AGBL4: variants seen among roughly 807,000 people sequenced by gnomAD.
AGBL4 encodes cytosolic carboxypeptidase 6.
Under a neutral mutation model 66.4 loss-of-function variants are expected in AGBL4, and 58 were observed. The ratio of observed to expected loss-of-function variants is 0.87; its 90% confidence interval spans 0.71 to 1.09. The LOEUF (loss-of-function observed/expected upper bound fraction) is 1.09, where lower values mean the gene tolerates loss of function less well. Ranked by LOEUF, AGBL4 falls within the 50% of genes least tolerant of loss-of-function variation. The pLI is 0.00. For synonymous variants in AGBL4, 234 were observed against 222.9 expected, an observed-to-expected ratio of 1.05 and a Z score of -0.44; for missense variants, 579 against 631.0, an observed-to-expected ratio of 0.92 and a Z score of 0.88.
intron 4 of AGBL4, among the ~76,000 whole-genome samples, chr1:49,172,129 G>A (rs1324467047): frequency 6.6e-6 from 1 of 152,158 alleles, no homozygotes; most frequent in East Asian, 1.9e-4. Flanking sequence ...GACTAAGAAC[G>A]AGTAACAAAT....
intron 2 of AGBL4, among the ~76,000 whole-genome samples, chr1:49,748,025 T>G (rs1651132928): frequency 6.6e-6 from 1 of 151,978 alleles, no homozygotes; most frequent in African/African-American, 2.4e-5. Flanking sequence ...AATTATACTT[T>G]AAGTTTTGGG....
At chr1:49,492,090 A>G (rs189935028) in intron 3 of AGBL4, among the ~76,000 whole-genome samples, 12 of 151,928 alleles carry the variant, frequency 7.9e-5, no homozygotes, top group Non-Finnish European at 1.3e-4. Context: ...TTATGATGTG[A>G]GATGATACAT....
intron 5 of AGBL4, among the ~76,000 whole-genome samples, chr1:48,995,659 A>T (rs558872305): frequency 1.7e-4 from 26 of 152,258 alleles, no homozygotes; most frequent in Non-Finnish European, 3.4e-4. Flanking sequence ...GGAGACCCAA[A>T]AAATGAAAAC....
intron 1 of AGBL4, among the ~76,000 whole-genome samples, chr1:49,984,597 A>C (rs1460042080): frequency 1.3e-5 from 2 of 152,138 alleles, no homozygotes; most frequent in African/African-American, 2.4e-5. Context: ...CCAGGTGCCT[A>C]TCTTTGGTCT....
chr1:49,026,671 G>A (rs934931973), intron 5 of AGBL4, among the ~76,000 whole-genome samples: 2 of 152,086 alleles, frequency 1.3e-5, no homozygotes, highest in African/African-American at 2.4e-5. Context: ...CAAACATAAT[G>A]ACTTTATTTC....
intron 3 of AGBL4, among the ~76,000 whole-genome samples, chr1:49,267,755 C>G (rs1419576288): frequency 6.6e-6 from 1 of 152,046 alleles, no homozygotes; most frequent in African/African-American, 2.4e-5. Context: ...TTCCACGTGG[C>G]TGGGAGGCCT....
intron 10 of AGBL4, among the ~76,000 whole-genome samples, chr1:48,589,527 C>T (rs1412452704): frequency 1.3e-5 from 2 of 152,212 alleles, no homozygotes; most frequent in Non-Finnish European, 2.9e-5. Context: ...AGCTCTCTCC[C>T]TACACCACAT....
intron 4 of AGBL4, among the ~76,000 whole-genome samples, chr1:49,193,813 G>C (rs745897474): frequency 6.6e-6 from 1 of 152,086 alleles, no homozygotes; most frequent in East Asian, 1.9e-4. Flanking sequence ...GATTACAGGC[G>C]TGAGCCACCG....
At chr1:49,948,566 T>TAGAG (rs1444813022) in intron 1 of AGBL4, among the ~76,000 whole-genome samples, 20 of 48,228 alleles carry the variant, frequency 4.1e-4, no homozygotes, top group Non-Finnish European at 7.5e-4. Flanking sequence ...TATATAAAAA[T>TAGAG]ATATATATAT....
chr1:48,731,152 G>C (rs1648065545), intron 6 of AGBL4, among the ~76,000 whole-genome samples: 1 of 152,064 alleles, frequency 6.6e-6, no homozygotes, highest in Non-Finnish European at 1.5e-5. Flanking sequence ...TCTCAATCCA[G>C]CAGACAGCTT....
chr1:49,950,105 T>C (rs1022381571), intron 1 of AGBL4, among the ~76,000 whole-genome samples: 26 of 141,970 alleles, frequency 1.8e-4, no homozygotes, highest in Middle Eastern at 3.7e-3. Flanking sequence ...CACATATATA[T>C]ACATATGTAT....
At chr1:48,620,645 T>C (rs1231156533) in intron 9 of AGBL4, among the ~76,000 whole-genome samples, 1 of 152,224 alleles carries the variant, frequency 6.6e-6, no homozygotes, top group Non-Finnish European at 1.5e-5. Flanking sequence ...AGTTTAAAGA[T>C]GGTGATAATT....
chr1:49,062,128 A>C (rs896357098), intron 4 of AGBL4, among the ~76,000 whole-genome samples: 18 of 152,156 alleles, frequency 1.2e-4, no homozygotes, highest in Non-Finnish European at 2.5e-4. Flanking sequence ...ATCTGAGGTG[A>C]AACAGATTCA....
chr1:48,587,137 C>A lies in AGBL4; in HGVS notation c.1134G>T (p.Val378=), dbSNP rs2148341085. The A allele has an allele frequency of 6.4e-7, 1 of 1,558,976 alleles. No individual in the cohort carries two copies. The highest frequency in any genetic ancestry group is 2.4e-5 in the East Asian group (1 of 41,440). Residue 378 remains valine, a synonymous_variant, in exon 11 of 14, where the codon GTG becomes GTT. Coordinates refer to ENST00000371839, the MANE Select transcript of AGBL4 (RefSeq NM_032785.4). The part of the protein sequence containing the change: ...YSSTSFNRDA[V]KAGTGRRFLG... Reference sequence around the variant, plus strand: ...GGAAGCGACGGCCAGTTCCTGCTTTCACAGCGTCCCGGTTAAAGGATGTGC... The same window carrying A: ...GGAAGCGACGGCCAGTTCCTGCTTTAACAGCGTCCCGGTTAAAGGATGTGC...
chr1:49,016,765 C>T (rs1300232523), intron 5 of AGBL4, among the ~76,000 whole-genome samples: 1 of 152,204 alleles, frequency 6.6e-6, no homozygotes, highest in Non-Finnish European at 1.5e-5. Context: ...TACTACCAGG[C>T]TCAGTGCCTG....
intron 2 of AGBL4, among the ~76,000 whole-genome samples, chr1:49,785,884 G>GAA (rs200044395): frequency 0.035 from 4,689 of 134,150 alleles, 281 homozygotes; most frequent in African/African-American, 0.12. Flanking sequence ...GAAATCCCAG[G>GAA]AAAAAAAAAA....
chr1:49,045,840 T>C, intron 4 of AGBL4, 40 bp from the exon 5 acceptor site: 1 of 1,493,024 alleles, frequency 6.7e-7, no homozygotes, highest in Non-Finnish European at 9.1e-7. Flanking sequence ...ATATGAGACA[T>C]TCGTTCAAGC....
chr1:49,321,595 G>T (rs1362687070), intron 3 of AGBL4, among the ~76,000 whole-genome samples: 1 of 152,258 alleles, frequency 6.6e-6, no homozygotes, highest in South Asian at 2.1e-4. Context: ...TTAGAGAAAT[G>T]CTCACATATG....
chr1:48,894,896 G>A (rs1022237722), intron 5 of AGBL4, among the ~76,000 whole-genome samples: 1 of 152,206 alleles, frequency 6.6e-6, no homozygotes, highest in African/African-American at 2.4e-5. Context: ...ATATTTCTAA[G>A]ACAGCATCTT....
Sources: allele counts gnomAD v4.1 joint callset (sites outside exome capture counted in the v4.1 genomes callset), GRCh38; gene constraint gnomAD v4.1.1; transcripts MANE v1.5; gene names NCBI Gene and HGNC (gene_info 2026-07-23, HGNC 2026-07-21).